KCNJ6: variants seen among roughly 807,000 people sequenced by gnomAD.
The protein encoded by KCNJ6 is G protein-activated inward rectifier potassium channel 2.
In KCNJ6, 9 loss-of-function variants were observed where a neutral mutation model predicts 34.2. The ratio of observed to expected loss-of-function variants is 0.26; its 90% confidence interval spans 0.16 to 0.46. The LOEUF is 0.46. KCNJ6 is among the 20% of genes least tolerant of loss of function. KCNJ6 has a pLI of 1.00. For missense variants in KCNJ6, 236 were observed against 531.3 expected (o/e 0.44, Z 5.46); for synonymous variants, 196 against 207.1 (o/e 0.95, Z 0.46).
intron 2 of KCNJ6, among the ~76,000 whole-genome samples, chr21:37,759,089 C>T (rs2055046914): frequency 6.6e-6 from 1 of 152,226 alleles, no homozygotes; most frequent in Non-Finnish European, 1.5e-5. Flanking sequence ...TGAGGCTCAG[C>T]TGAGTGGTGA....
chr21:37,631,785 G>A (rs894829297), intron 3 of KCNJ6, among the ~76,000 whole-genome samples: 17 of 152,150 alleles, frequency 1.1e-4, no homozygotes, highest in Non-Finnish European at 2.1e-4. Flanking sequence ...AGTCAGAGAC[G>A]GGAGTGGGAA....
At chr21:37,911,822 G>A (rs73425325) in intron 1 of KCNJ6, among the ~76,000 whole-genome samples, 241 of 152,272 alleles carry the variant, frequency 1.6e-3, no homozygotes, top group African/African-American at 5.4e-3. Flanking sequence ...AAACCCTTGA[G>A]AACAGCAACA....
chr21:37,829,741 G>A (rs1568864040), intron 2 of KCNJ6, among the ~76,000 whole-genome samples: 2 of 152,236 alleles, frequency 1.3e-5, no homozygotes, highest in South Asian at 2.1e-4. Flanking sequence ...GAACCCATGC[G>A]AGAGAGGAAG....
intron 2 of KCNJ6, among the ~76,000 whole-genome samples, chr21:37,757,616 C>T (rs572576892): frequency 1.5e-3 from 235 of 152,160 alleles, no homozygotes; most frequent in African/African-American, 5.4e-3. Flanking sequence ...TGAGCACTCC[C>T]TCACAGTGTG....
chr21:37,721,285 G>A (rs890785603), intron 2 of KCNJ6, among the ~76,000 whole-genome samples: 2 of 152,170 alleles, frequency 1.3e-5, no homozygotes, highest in Admixed American at 6.5e-5. Context: ...GCAAGTGTTG[G>A]CAGGATGTAG....
chr21:37,647,918 G>T (rs1015671187), intron 3 of KCNJ6, among the ~76,000 whole-genome samples: 4 of 152,320 alleles, frequency 2.6e-5, no homozygotes, highest in Admixed American at 2.6e-4. Context: ...TTGATATTGC[G>T]TGGAAAATGG....
chr21:37,711,324 T>C (rs2054751009), intron 3 of KCNJ6, among the ~76,000 whole-genome samples: 1 of 152,130 alleles, frequency 6.6e-6, no homozygotes, highest in Admixed American at 6.5e-5. Context: ...GATGCCTGCT[T>C]CCTAACAGGG....
Position 37,836,435 on chromosome 21 carries a change from C to T in KCNJ6, c.25+4223G>A, listed in dbSNP as rs111311458. Among the ~76,000 whole-genome samples, 1,390 of 152,270 alleles carry T rather than the reference C, an allele frequency of 9.1e-3. 26 individuals carry two copies. Among genetic ancestry groups the T allele is most frequent in the African/African-American group, 0.03 (1,263 of 41,536 alleles). The stretch of plus-strand genomic sequence containing the variant: ...AATCATTCTACTATAAAGCCACATG[C>T]ACACACGTGTTTATTGTGGCACTGT... On this transcript the variant is annotated intron_variant, in intron 2 of 3. Transcript: ENST00000609713.
chr21:37,655,218 TGTGTGTGA>T (rs2054455084), intron 3 of KCNJ6, among the ~76,000 whole-genome samples: 4 of 13,882 alleles, frequency 2.9e-4, no homozygotes, highest in Non-Finnish European at 4.2e-4. Context: ...TGTGTGTGTG[TGTGTGTGA>T]GAGAGAGAGA....
rs78443969 is a variant in KCNJ6 at position 37,685,706 on chromosome 21, A to AAAAAAAAAAAAAAAAG, written c.946+28504_946+28505insCTTTTTTTTTTTTTTT. On this transcript the variant is annotated intron_variant, in intron 3 of 3. Transcript: ENST00000609713. ...CAAAAAAAAAAAAAAAAAAAAAAAA[A>AAAAAAAAAAAAAAAAG]AATCTATCCTATGGATATCAGAGGT... 1.2e-4 allele frequency among the ~76,000 whole-genome samples: 6 copies of AAAAAAAAAAAAAAAAG among 51,010 alleles called. 3 individuals carry two copies. The highest frequency in any genetic ancestry group is 3.3e-4 in the African/African-American group (6 of 18,034). 33.5% of individuals were successfully genotyped at this position (51,010 alleles called of 152,430 possible).
In KCNJ6 at chr21:37,796,833, C is replaced by T. The variant is rs1379777434; in HGVS notation, c.25+43825G>A. On this transcript the variant is annotated intron_variant, in intron 2 of 3. Coordinates refer to ENST00000609713, the MANE Select transcript of KCNJ6 (RefSeq NM_002240.5). The stretch of plus-strand genomic sequence containing the variant: ...ACGGAGTCTTGCTCTGTCGCCCAGG[C>T]CGGACTGCGGACTGCAGTGGCGCAA... 3.2e-5 allele frequency among the ~76,000 whole-genome samples: 4 copies of T among 123,626 alleles called. No homozygotes were observed. The East Asian group carries it at 7.8e-4, about 24-fold the overall frequency. 81.1% of individuals were successfully genotyped at this position (123,626 alleles called of 152,430 possible). A position where few individuals can be genotyped will look rare whatever the true frequency, so the allele number is the denominator to read the frequency against.
In KCNJ6 at chr21:37,675,337, C is replaced by T. The variant is rs1033049133; in HGVS notation, c.946+38874G>A. 6.6e-6 allele frequency among the ~76,000 whole-genome samples: 1 copy of T among 152,322 alleles called. No individual in the cohort carries two copies. Among genetic ancestry groups the T allele is most frequent in the Non-Finnish European group, 1.5e-5 (1 of 68,024 alleles). Reference sequence around the variant, plus strand: ...GGAATCAAGTTGGCGGGGATTTTTCCGCGAGTGGCTGCATTGGCTTTAAGA... The same window carrying T: ...GGAATCAAGTTGGCGGGGATTTTTCTGCGAGTGGCTGCATTGGCTTTAAGA... On this transcript the variant is annotated intron_variant, in intron 3 of 3. Transcript: ENST00000609713. The surrounding 1 kb of genome is among the most constrained non-coding windows in gnomAD (Gnocchi z 4.2).
chr21:37,668,613 G>A (rs2054527874), intron 3 of KCNJ6, among the ~76,000 whole-genome samples: 2 of 152,164 alleles, frequency 1.3e-5, no homozygotes. Flanking sequence ...ATACACCTCG[G>A]CCCACAGCAG....
chr21:37,906,193 C>T (rs1227985403), intron 1 of KCNJ6, among the ~76,000 whole-genome samples: 1 of 152,206 alleles, frequency 6.6e-6, no homozygotes, highest in Non-Finnish European at 1.5e-5. Flanking sequence ...TGCTCATAAT[C>T]TTTGCAACTT....
rs79517988 is a variant in KCNJ6 at position 37,651,541 on chromosome 21, G to A, written c.947-26057C>T. Among the ~76,000 whole-genome samples the A allele has an allele frequency of 8.4e-3, 1,280 of 152,280 alleles. 27 individuals are homozygous for A. Among genetic ancestry groups the A allele is most frequent in the African/African-American group, 0.029 (1,226 of 41,562 alleles). On this transcript the variant is annotated intron_variant, in intron 3 of 3. Transcript: ENST00000609713. ...ATGGCGGGTAGATTGGAGTGGTCATGCAGAGGAAGGGAGTGGAAGGATTCA... is the reference window on the plus strand; with the variant it reads ...ATGGCGGGTAGATTGGAGTGGTCATACAGAGGAAGGGAGTGGAAGGATTCA...
At chr21:37,635,993 T>C (rs1190622131) in intron 3 of KCNJ6, among the ~76,000 whole-genome samples, 4 of 152,250 alleles carry the variant, frequency 2.6e-5, no homozygotes, top group Non-Finnish European at 5.9e-5. Context: ...TTCAGAACCA[T>C]TAACTATTCA....
chr21:37,766,897 T>C (rs747778729), intron 2 of KCNJ6, among the ~76,000 whole-genome samples: 1 of 152,192 alleles, frequency 6.6e-6, no homozygotes, highest in Non-Finnish European at 1.5e-5. Context: ...GCGAGAGATC[T>C]AGGTTTTGAG....
intron 1 of KCNJ6, among the ~76,000 whole-genome samples, chr21:37,869,180 G>GC (rs964470302): frequency 6.6e-6 from 1 of 152,240 alleles, no homozygotes; most frequent in African/African-American, 2.4e-5. Context: ...AGGGATAGAA[G>GC]CCATGCCCAT....
intron 3 of KCNJ6, among the ~76,000 whole-genome samples, chr21:37,629,575 A>C (rs78274839): frequency 6.6e-6 from 1 of 152,316 alleles, no homozygotes; most frequent in East Asian, 1.9e-4. Context: ...AGACACACAC[A>C]GAGGAAAGAT....
Sources: allele counts gnomAD v4.1 joint callset (sites outside exome capture counted in the v4.1 genomes callset), GRCh38; gene constraint gnomAD v4.1.1; non-coding constraint Gnocchi (gnomAD v3.1); transcripts MANE v1.5; gene names NCBI Gene and HGNC (gene_info 2026-07-23, HGNC 2026-07-21).